The following PPP6R3 variants were observed in gnomAD, a reference collection of about 807,000 sequenced individuals.
PPP6R3 encodes protein phosphatase 6 regulatory subunit 3, also known as serine/threonine-protein phosphatase 6 regulatory subunit 3.
A neutral mutation model predicts 110.7 loss-of-function variants in PPP6R3; 38 were observed. The ratio of observed to expected loss-of-function variants is 0.34; its 90% CI spans 0.26 to 0.45. The LOEUF is 0.45. Among genes scored for constraint, PPP6R3 ranks in the 20% least tolerant of loss-of-function variants. The pLI is 1.00. For synonymous variants in PPP6R3, 369 were observed against 373.5 expected (o/e 0.99, Z 0.14); for missense variants, 870 against 1,062.4 (o/e 0.82, Z 2.52).
At chr11:68,569,685 G>A (rs2099495029) in intron 10 of PPP6R3, 63 bp from the exon 11 acceptor site, 6 of 1,316,496 alleles carry the variant, frequency 4.6e-6, no homozygotes, top group Non-Finnish European at 6.2e-6. Context: ...TTCTGTAAAT[G>A]TATTTAAGTA....
At chr11:68,470,590 C>G (rs1051218475) in intron 1 of PPP6R3, among the ~76,000 whole-genome samples, 1 of 152,142 alleles carries the variant, frequency 6.6e-6, no homozygotes, top group Non-Finnish European at 1.5e-5. Flanking sequence ...GATGTGGTTT[C>G]TAAAGGTCCC....
At chr11:68,465,598 T>C (rs2098740111) in intron 1 of PPP6R3, among the ~76,000 whole-genome samples, 1 of 152,232 alleles carries the variant, frequency 6.6e-6, no homozygotes, top group Admixed American at 6.5e-5. Context: ...GTGACCACCA[T>C]CTACTTCTAA....
chr11:68,580,746 C>CTTTTTTTTTTTTTTTTTTTT (rs71043441), intron 14 of PPP6R3, among the ~76,000 whole-genome samples: 2 of 67,476 alleles, frequency 3.0e-5, no homozygotes, highest in African/African-American at 5.2e-5. Flanking sequence ...GGTAAATAAT[C>CTTTTTTTTTTTTTTTTTTTT]TTTTTTTTTT....
chr11:68,493,456 A>G (rs116097140), intron 1 of PPP6R3, among the ~76,000 whole-genome samples: 2,064 of 151,830 alleles, frequency 0.014, 56 homozygotes, highest in African/African-American at 0.047. Flanking sequence ...TTTTAGAGAC[A>G]GAGTCTTGCT....
At chr11:68,575,924 G>T (rs1239850311) in intron 13 of PPP6R3, 34 bp from the exon 14 acceptor site, 2 of 1,492,292 alleles carry the variant, frequency 1.3e-6, no homozygotes, top group East Asian at 2.3e-5. Context: ...GGTCATTGTG[G>T]TGATAATGCT....
Position 68,615,151 on chromosome 11 carries a change from G to A in PPP6R3, c.*2034G>A, listed in dbSNP as rs1224695940. On this transcript the variant is annotated 3_prime_UTR_variant, in exon 24 of 24. Transcript: ENST00000393800. ...AGCAGGGAAAGGATATGACAATGGG[G>A]AGGACAGTTCTTTTGGAGGTTGGAG... The A allele has an allele frequency of 1.5e-5, 7 of 453,778 alleles. No homozygotes were observed. The highest frequency in any genetic ancestry group is 3.1e-5 in the Non-Finnish European group (7 of 225,114). 28.1% of individuals were successfully genotyped at this position (453,778 alleles called of 1,614,324 possible).
At chr11:68,489,274 C>T (rs2098968252) in intron 1 of PPP6R3, among the ~76,000 whole-genome samples, 1 of 152,126 alleles carries the variant, frequency 6.6e-6, no homozygotes, top group African/African-American at 2.4e-5. Context: ...CCGCCTCGGC[C>T]TCCCAAATAT....
Position 68,588,013 on chromosome 11 carries a change from TGAC to T in PPP6R3, c.1720_1722del (p.Asp574del). 6.2e-7 allele frequency: 1 copy of T among 1,613,762 alleles called. No individual in the cohort carries two copies. On this transcript the variant is annotated inframe_deletion, in exon 16 of 24. Transcript: ENST00000393800. Reference sequence around the variant, plus strand: ...ACGATGAGAAGTTTGCAGATCAAGATGACATTGGCAAGTGAGTATGTTTTTCTG... The same window carrying T: ...ACGATGAGAAGTTTGCAGATCAAGATATTGGCAAGTGAGTATGTTTTTCTG...
intron 2 of PPP6R3, among the ~76,000 whole-genome samples, chr11:68,528,622 T>G (rs2099216012): frequency 6.6e-6 from 1 of 152,184 alleles, no homozygotes; most frequent in African/African-American, 2.4e-5. Flanking sequence ...TCCCTGGGCA[T>G]TGAGCTTTGC....
chr11:68,613,000 C>CT (rs1306654041), intron 23 of PPP6R3, 66 bp from the exon 24 acceptor site: 3 of 1,612,262 alleles, frequency 1.9e-6, no homozygotes, highest in South Asian at 1.1e-5. Flanking sequence ...GGGAGCTCAG[C>CT]TAAGTAGGTT....
chr11:68,489,871 C>T (rs984562264), intron 1 of PPP6R3, among the ~76,000 whole-genome samples: 25 of 152,046 alleles, frequency 1.6e-4, no homozygotes, highest in Admixed American at 1.3e-4. Flanking sequence ...TATGCCTTTA[C>T]CAGTAATAAC....
intron 1 of PPP6R3, among the ~76,000 whole-genome samples, chr11:68,465,779 G>A (rs966009726): frequency 6.6e-6 from 1 of 152,360 alleles, no homozygotes; most frequent in South Asian, 2.1e-4. Flanking sequence ...GGGCCTGGGA[G>A]GAAAGAGCTT....
chr11:68,465,145 G>C (rs888747364), intron 1 of PPP6R3, among the ~76,000 whole-genome samples: 1 of 152,206 alleles, frequency 6.6e-6, no homozygotes, highest in South Asian at 2.1e-4. Context: ...GCCTCCCAAA[G>C]TGCTGGGATT....
intron 10 of PPP6R3, 63 bp from the exon 11 acceptor site, chr11:68,569,685 G>C (rs2099495029): frequency 7.6e-7 from 1 of 1,316,376 alleles, no homozygotes; most frequent in Non-Finnish European, 1.0e-6. Flanking sequence ...TTCTGTAAAT[G>C]TATTTAAGTA....
At chr11:68,495,148 C>T (rs2099007968) in intron 1 of PPP6R3, among the ~76,000 whole-genome samples, 1 of 152,152 alleles carries the variant, frequency 6.6e-6, no homozygotes, top group Non-Finnish European at 1.5e-5. Flanking sequence ...TACTGTGTTA[C>T]CTGGATCAGT....
At position 68,613,611 on chromosome 11, in the gene PPP6R3, GT is replaced by G; in HGVS notation, c.*496del. ...TGTAGAATGAAAATGCCCTCTAAGT[GT>G]TATTTTGGTTGTTCTAACTTACAAA... On this transcript the variant is annotated 3_prime_UTR_variant, in exon 24 of 24. Coordinates refer to ENST00000393800, the MANE Select transcript of PPP6R3 (RefSeq NM_001164161.2). 1.0e-6 allele frequency: 1 copy of G among 985,806 alleles called. No homozygotes were observed. The highest frequency in any genetic ancestry group is 1.2e-6 in the Non-Finnish European group (1 of 830,004). 61.1% of individuals were successfully genotyped at this position (985,806 alleles called of 1,614,324 possible).
At chr11:68,612,944 C>CT (rs1203668069) in intron 23 of PPP6R3, 122 bp from the exon 24 acceptor site, 15 of 1,508,218 alleles carry the variant, frequency 9.9e-6, no homozygotes, top group Non-Finnish European at 1.3e-5. Flanking sequence ...TTATTAAAAA[C>CT]TTACTAAGTT....
intron 1 of PPP6R3, among the ~76,000 whole-genome samples, chr11:68,469,990 C>T (rs905424315): frequency 6.6e-6 from 1 of 152,034 alleles, no homozygotes; most frequent in East Asian, 1.9e-4. Context: ...AATGGAGTCA[C>T]TTTGTTCTTT....
intron 22 of PPP6R3, among the ~76,000 whole-genome samples, chr11:68,605,411 C>G (rs2153956550): frequency 6.6e-6 from 1 of 152,274 alleles, no homozygotes; most frequent in South Asian, 2.1e-4. Flanking sequence ...GAACTTGTTA[C>G]ATGTTAGAAT....
Sources: gnomAD v4.1 joint callset for allele counts (sites outside exome capture counted in the v4.1 genomes callset) on GRCh38, gnomAD v4.1.1 for gene constraint, MANE v1.5 for transcripts, NCBI Gene and HGNC (gene_info 2026-07-23, HGNC 2026-07-21) for gene names.